Variants in NOVA1 observed in about 807,000 individuals in gnomAD.
NOVA1 encodes the protein RNA-binding protein Nova-1.
In NOVA1, 7 loss-of-function variants were observed where a neutral mutation model predicts 38.0. That is an observed-to-expected ratio of 0.18 (90% CI 0.10 to 0.35). NOVA1 has a LOEUF of 0.35. Among genes scored for constraint, NOVA1 ranks in the 10% least tolerant of loss-of-function variants. The pLI, the probability that NOVA1 is intolerant of heterozygous loss-of-function variation, is 1.00. For synonymous variants in NOVA1, 270 were observed against 232.5 expected (o/e 1.16, Z -1.47); for missense variants, 460 against 616.0 (o/e 0.75, Z 2.68).
At chr14:26,584,835 T>A (rs1471976634) in intron 2 of NOVA1, among the ~76,000 whole-genome samples, 1 of 151,454 alleles carries the variant, frequency 6.6e-6, no homozygotes, top group African/African-American at 2.4e-5. Context: ...TTTCAACTTC[T>A]AGATATAATT....
chr14:26,470,521 T>C (rs763963072), intron 4 of NOVA1: 4 of 1,390,072 alleles, frequency 2.9e-6, no homozygotes, highest in Non-Finnish European at 4.1e-6. Flanking sequence ...AAACAGAGTA[T>C]AAGTAACAAT....
intron 4 of NOVA1, among the ~76,000 whole-genome samples, chr14:26,451,161 T>C (rs1312037149): frequency 6.6e-6 from 1 of 152,154 alleles, no homozygotes; most frequent in African/African-American, 2.4e-5. Flanking sequence ...TGTGAAGATA[T>C]TAATTTCTAC....
chr14:26,593,525 A>G (rs1419329791), intron 2 of NOVA1: 2 of 150,840 alleles, frequency 1.3e-5, no homozygotes, highest in East Asian at 1.9e-4. Context: ...TGTTACCGGT[A>G]AAGTATAGAC....
Position 26,472,322 on chromosome 14 carries a change from G to C in NOVA1, c.517C>G (p.Gln173Glu). The C allele has an allele frequency of 2.5e-6, 4 of 1,582,536 alleles. No individual in the cohort carries two copies. The highest frequency in any genetic ancestry group is 3.5e-6 in the Non-Finnish European group (4 of 1,154,148). Residue 173 changes from glutamine (Q) to glutamate (E), a missense_variant and splice_region_variant, in exon 4 of 5, where the codon CAG (glutamine) becomes GAG (glutamate). By Grantham distance (29) the Gln-to-Glu change is conservative. Coordinates refer to ENST00000539517, the MANE Select transcript of NOVA1 (RefSeq NM_002515.3). Reference protein sequence around the residue: ...SDPMTTSRANQVKIIVPNSTA... With the variant: ...SDPMTTSRANEVKIIVPNSTA... ...TAGATGACAGGATGATACTGTACCT[G>C]ATTAGCTCTGGAGGTGGTCATGGGA...
chr14:26,494,138 T>C (rs900495515), intron 2 of NOVA1, among the ~76,000 whole-genome samples: 6 of 152,346 alleles, frequency 3.9e-5, no homozygotes, highest in Middle Eastern at 3.4e-3. Context: ...TATCCTTCCC[T>C]GTCCCTCTAA....
At chr14:26,463,486 T>C (rs533939269) in intron 4 of NOVA1, among the ~76,000 whole-genome samples, 7 of 152,154 alleles carry the variant, frequency 4.6e-5, no homozygotes, top group Non-Finnish European at 1.0e-4. Flanking sequence ...GTATTGGACA[T>C]TTCCACTCCC....
intron 2 of NOVA1, among the ~76,000 whole-genome samples, chr14:26,532,144 G>A (rs1889761546): frequency 1.3e-5 from 2 of 152,124 alleles, no homozygotes; most frequent in South Asian, 4.1e-4. Context: ...GTTTTTCACA[G>A]AGTTGAATAT....
chr14:26,492,212 T>A (rs909900101), intron 2 of NOVA1, among the ~76,000 whole-genome samples: 3 of 152,224 alleles, frequency 2.0e-5, no homozygotes, highest in Admixed American at 6.5e-5. Context: ...AGGAACTGAT[T>A]TTTGTTTGTT....
intron 2 of NOVA1, among the ~76,000 whole-genome samples, chr14:26,579,726 A>C (rs1047382233): frequency 6.6e-5 from 10 of 152,110 alleles, no homozygotes; most frequent in Non-Finnish European, 8.8e-5. Flanking sequence ...AATACTTGCT[A>C]AGGAATGGAA....
intron 2 of NOVA1, among the ~76,000 whole-genome samples, chr14:26,488,869 T>C (rs1594387013): frequency 6.6e-6 from 1 of 152,170 alleles, no homozygotes; most frequent in East Asian, 1.9e-4. Context: ...AATTCTTCTA[T>C]CTATCCTTTA....
At position 26,597,350 on chromosome 14, in the gene NOVA1, C is replaced by T; in HGVS notation, c.87G>A (p.Pro29=). 7.9e-7 allele frequency: 1 copy of T among 1,268,750 alleles called. No homozygotes were observed. 78.6% of individuals were successfully genotyped at this position (1,268,750 alleles called of 1,614,324 possible). ...DLDPPDSRKR[P]LEAPPEAGST... is the part of the protein sequence containing the mutation. Reference sequence around the variant, plus strand: ...TGCCGGCTTCAGGGGGGGCTTCCAGCGGCCTTTTCCGCGAGTCCGGCGGGT... The same window carrying T: ...TGCCGGCTTCAGGGGGGGCTTCCAGTGGCCTTTTCCGCGAGTCCGGCGGGT... Residue 29 remains proline (P), a synonymous_variant, in exon 1 of 5, where the codon CCG becomes CCA. Coordinates refer to ENST00000539517, the MANE Select transcript of NOVA1 (RefSeq NM_002515.3).
chr14:26,578,876 T>C (rs1293441208), intron 2 of NOVA1, among the ~76,000 whole-genome samples: 1 of 152,090 alleles, frequency 6.6e-6, no homozygotes, highest in Non-Finnish European at 1.5e-5. Context: ...ACTGACAACA[T>C]ATAATTTAAC....
chr14:26,550,919 A>G (rs1326675293), intron 2 of NOVA1, among the ~76,000 whole-genome samples: 12 of 152,086 alleles, frequency 7.9e-5, no homozygotes, highest in Admixed American at 7.9e-4. Context: ...AATTCTTTCT[A>G]TAATAAAGCA....
chr14:26,558,573 T>C (rs1468337885), intron 2 of NOVA1, among the ~76,000 whole-genome samples: 2 of 152,108 alleles, frequency 1.3e-5, no homozygotes, highest in Non-Finnish European at 2.9e-5. Flanking sequence ...TACATGGAAA[T>C]AGAAGTAAAC....
rs539383088 is a variant in NOVA1, at chr14:26,488,160, C to T, written c.281-8017G>A. Among the ~76,000 whole-genome samples, 5 of 152,194 alleles carry T rather than the reference C, an allele frequency of 3.3e-5. No individual in the cohort carries two copies. The South Asian group carries it at 6.2e-4, about 19-fold the overall frequency. On this transcript the variant is annotated intron_variant, in intron 2 of 4. Transcript: ENST00000539517. ...CAATTATCTCTCTACTTTTAAACTG[C>T]AAAAATTTGCAAAAGGCCATATAAC...
chr14:26,503,796 T>C (rs975943054), intron 2 of NOVA1, among the ~76,000 whole-genome samples: 2 of 151,956 alleles, frequency 1.3e-5, no homozygotes, highest in African/African-American at 4.8e-5. Flanking sequence ...CAAAATTAAA[T>C]TTATAACGTA....
rs1405935229 is a variant in NOVA1, at chr14:26,445,170, G to C, written c.*2789C>G. On this transcript the variant is annotated 3_prime_UTR_variant, in exon 5 of 5. Transcript: ENST00000539517. ...GTCTATAAATAGTTGCATTTCATAA[G>C]ATGTTTGGCCCTTGTATCATCAGTT... The C allele has an allele frequency of 1.3e-5, 2 of 152,208 alleles. No homozygotes were observed. Among genetic ancestry groups the C allele is most frequent in the Non-Finnish European group, 2.9e-5 (2 of 68,040 alleles). 9.4% of individuals were successfully genotyped at this position (152,208 alleles called of 1,614,324 possible).
intron 2 of NOVA1, among the ~76,000 whole-genome samples, chr14:26,521,931 T>G (rs1384511561): frequency 6.6e-6 from 1 of 151,806 alleles, no homozygotes. Context: ...AGATGAAGTA[T>G]AACATTTTCC....
chr14:26,526,116 A>G (rs1037722226), intron 2 of NOVA1, among the ~76,000 whole-genome samples: 6 of 152,140 alleles, frequency 3.9e-5, no homozygotes, highest in African/African-American at 7.2e-5. Flanking sequence ...TACTCAATGG[A>G]AAGTCTCTCA....
Sources: gnomAD v4.1 joint callset for allele counts (sites outside exome capture counted in the v4.1 genomes callset) on GRCh38, gnomAD v4.1.1 for gene constraint, MANE v1.5 for transcripts, NCBI Gene and HGNC (gene_info 2026-07-23, HGNC 2026-07-21) for gene names.